The following EPC1 variants were observed in gnomAD, a reference collection of about 807,000 sequenced individuals.
The protein encoded by EPC1 is enhancer of polycomb 1.
In EPC1, 12 loss-of-function variants were observed where a neutral mutation model predicts 98.4. The ratio of observed to expected loss-of-function variants is 0.12; its 90% confidence interval spans 0.08 to 0.20. EPC1 has a LOEUF of 0.20. Among genes scored for constraint, EPC1 ranks in the 10% least tolerant of loss-of-function variants. The probability of loss-of-function intolerance (pLI) is 1.00; values close to 1 mark genes in which losing one functional copy is unlikely to be tolerated. For synonymous variants in EPC1, 357 were observed against 363.9 expected, an observed-to-expected ratio of 0.98 and a Z score of 0.21; for missense variants, 729 against 990.5, an observed-to-expected ratio of 0.74 and a Z score of 3.54.
chr10:32,311,883 G>A (rs1332904869), intron 1 of EPC1, among the ~76,000 whole-genome samples: 3 of 152,144 alleles, frequency 2.0e-5, no homozygotes, highest in African/African-American at 4.8e-5. Flanking sequence ...GATGAAGTGA[G>A]GTGAATAAGG....
chr10:32,370,560 T>C (rs539260543), intron 1 of EPC1, among the ~76,000 whole-genome samples: 1 of 152,218 alleles, frequency 6.6e-6, no homozygotes, highest in East Asian at 1.9e-4. Flanking sequence ...TGATTCTCCA[T>C]ACAGGCAGAG....
At chr10:32,275,497 T>TG (rs1286662617) in intron 10 of EPC1, among the ~76,000 whole-genome samples, 3 of 151,760 alleles carry the variant, frequency 2.0e-5, no homozygotes, top group Non-Finnish European at 4.4e-5. Flanking sequence ...CTGGGCGCGG[T>TG]GGCTCACGCC....
intron 10 of EPC1, among the ~76,000 whole-genome samples, chr10:32,273,706 A>T (rs1306695916): frequency 6.6e-6 from 1 of 152,154 alleles, no homozygotes; most frequent in Non-Finnish European, 1.5e-5. Context: ...TATCTTCCCA[A>T]GGCATTCAGA....
intron 10 of EPC1, 47 bp downstream of exon 10, chr10:32,284,650 TG>T: frequency 6.9e-7 from 1 of 1,449,608 alleles, no homozygotes; most frequent in Non-Finnish European, 9.5e-7. Flanking sequence ...GGGAAATGGT[TG>T]GACCTGACAT....
intron 1 of EPC1, among the ~76,000 whole-genome samples, chr10:32,339,857 A>C (rs1362389139): frequency 6.6e-6 from 1 of 152,222 alleles, no homozygotes; most frequent in East Asian, 1.9e-4. Flanking sequence ...AGTGACGTTA[A>C]GTGACTTGTC....
chr10:32,356,488 G>A (rs1839280927), intron 1 of EPC1, among the ~76,000 whole-genome samples: 1 of 152,100 alleles, frequency 6.6e-6, no homozygotes, highest in African/African-American at 2.4e-5. Context: ...CCCAGGACAA[G>A]AACAGAGGGA....
At chr10:32,367,246 C>T (rs1475233823) in intron 1 of EPC1, among the ~76,000 whole-genome samples, 1 of 152,192 alleles carries the variant, frequency 6.6e-6, no homozygotes, top group East Asian at 1.9e-4. Context: ...CCACCTCGGC[C>T]TCCCAAAGTG....
At position 32,307,217 on chromosome 10, in the gene EPC1, A is replaced by G. The variant is rs1012194039; in HGVS notation, c.154-1286T>C. The stretch of plus-strand genomic sequence containing the variant: ...ACCAGATACAAATTGAAAGGGAAAA[A>G]ACTCTGGCAACAACCTAAATGCCTA... On this transcript the variant is annotated intron_variant, in intron 1 of 13. Coordinates refer to ENST00000319778, the MANE Select transcript of EPC1 (RefSeq NM_001272004.3). Among the ~76,000 whole-genome samples the G allele has an allele frequency of 3.3e-5, 5 of 152,150 alleles. No homozygotes were observed. In the South Asian group the frequency reaches 1.0e-3, roughly 32 times the overall value.
intron 1 of EPC1, among the ~76,000 whole-genome samples, chr10:32,321,354 T>G (rs1005671378): frequency 9.9e-5 from 15 of 152,130 alleles, no homozygotes; most frequent in African/African-American, 3.6e-4. Flanking sequence ...ATAGATCTGT[T>G]TTTTTTTCAG....
At chr10:32,343,126 T>A (rs1224099428) in intron 1 of EPC1, among the ~76,000 whole-genome samples, 1 of 86,464 alleles carries the variant, frequency 1.2e-5, no homozygotes, top group Non-Finnish European at 2.9e-5. Context: ...ATCTCAGAGC[T>A]GAAAGTCTAT....
intron 1 of EPC1, among the ~76,000 whole-genome samples, chr10:32,333,193 A>G (rs1284627418): frequency 1.3e-5 from 2 of 152,196 alleles, no homozygotes; most frequent in Non-Finnish European, 2.9e-5. Context: ...ATACAAATTT[A>G]GCCGGGCATG....
upstream of EPC1, among the ~76,000 whole-genome samples, chr10:32,350,575 G>A (rs1015712260): frequency 6.6e-6 from 1 of 152,182 alleles, no homozygotes; most frequent in East Asian, 1.9e-4. Flanking sequence ...TTATTTGGCC[G>A]GAGTTCAGTA....
At chr10:32,347,685 G>A (rs562467983), upstream of EPC1, among the ~76,000 whole-genome samples, 13 of 152,212 alleles carry the variant, frequency 8.5e-5, no homozygotes, top group East Asian at 1.7e-3. Flanking sequence ...GCCGCGGGGG[G>A]CGAACGCACA....
chr10:32,376,715 T>C (rs964833796), intron 1 of EPC1, among the ~76,000 whole-genome samples: 2 of 152,138 alleles, frequency 1.3e-5, no homozygotes, highest in African/African-American at 2.4e-5. Flanking sequence ...TGTTAAATGA[T>C]TAAAAAGTGA....
chr10:32,364,001 CATTTTTTTTTTTT>C lies in EPC1; in HGVS notation c.3+14477_3+14489del, dbSNP rs1200045587. Among the ~76,000 whole-genome samples the C allele has an allele frequency of 2.7e-4, 17 of 61,858 alleles. 1 individual carries two copies. The East Asian group carries it at 3.9e-3, about 14-fold the overall frequency. 40.6% of individuals were successfully genotyped at this position (61,858 alleles called of 152,430 possible). On this transcript the variant is annotated intron_variant, in intron 1 of 13. Transcript: ENST00000375110. ...AATAGTATCGTGTCCATCATGTTGG[CATTTTTTTTTTTT>C]TTTTTTTTTTTTTTTTTTAGATGGA...
chr10:32,322,185 A>G (rs1269736252), intron 1 of EPC1, among the ~76,000 whole-genome samples: 1 of 151,348 alleles, frequency 6.6e-6, no homozygotes, highest in Non-Finnish European at 1.5e-5. Context: ...CATGTATCGC[A>G]GTTCGCAGTA....
At chr10:32,287,923 C>A (rs1180109517) in intron 6 of EPC1, among the ~76,000 whole-genome samples, 1 of 152,172 alleles carries the variant, frequency 6.6e-6, no homozygotes, top group East Asian at 1.9e-4. Flanking sequence ...AGTAACTGAG[C>A]TGATGGAACA....
rs750689321 is a variant in EPC1, at chr10:32,286,701, C to G, written c.1384G>C (p.Gly462Arg). 4.3e-6 allele frequency: 7 copies of G among 1,613,904 alleles called. No individual in the cohort carries two copies. The highest frequency in any genetic ancestry group is 5.1e-6 in the Non-Finnish European group (6 of 1,179,936). The change falls in exon 9 of 14, where the codon GGT becomes CGT. Residue 462 changes from glycine (G) to arginine (R), a missense_variant. Physicochemically the swap from Gly to Arg is moderately radical, Grantham distance 125. Around this residue, in one of 6 missense-constraint regions of EPC1, gnomAD observed 390 missense variants for 438.6 expected, o/e 0.89. Transcript: ENST00000319778. ...IGFARRRVGR[G>R]GRVLLDRAHS... ...AATACAGAAATACCTTACCTTCCAC[C>G]GCGCCCAACCCGTCTTCGTGCAAAT...
chr10:32,287,208 A>T lies in EPC1; in HGVS notation c.1042T>A (p.Ser348Thr), dbSNP rs371059123. Residue 348 changes from serine (S) to threonine (T), a missense_variant, in exon 7 of 14, where the codon TCT becomes ACT. By Grantham distance (58) the Ser-to-Thr change is moderately conservative (BLOSUM62 1). Around this residue, in one of 6 missense-constraint regions of EPC1, gnomAD observed 390 missense variants for 438.6 expected, o/e 0.89. Transcript: ENST00000319778. ...GTCTGTTGGGGAGTAGCAGCGGCAG[A>T]CGATGGTAAGACTTTGGGCTTCTTT... Reference protein sequence around the residue: ...YEKKPKVLPSSAAATPQQTSP... With the variant: ...YEKKPKVLPSTAAATPQQTSP... The T allele has an allele frequency of 1.9e-6, 3 of 1,614,098 alleles. No homozygotes were observed. The highest frequency in any genetic ancestry group is 2.7e-5 in the African/African-American group (2 of 74,932).
Sources: gnomAD v4.1 joint callset for allele counts (sites outside exome capture counted in the v4.1 genomes callset) on GRCh38, gnomAD v4.1.1 for gene constraint, gnomAD v4.1.1 regional missense constraint, MANE v1.5 for transcripts, NCBI Gene and HGNC (gene_info 2026-07-23, HGNC 2026-07-21) for gene names.